Variants in GALNT10 observed in about 807,000 individuals in gnomAD.
GALNT10 encodes GalNAc transferase 10.
In GALNT10, 41 loss-of-function variants were observed where a neutral mutation model predicts 75.0. The ratio of observed to expected loss-of-function variants is 0.55; its 90% CI spans 0.43 to 0.71. The LOEUF (loss-of-function observed/expected upper bound fraction) is 0.71, where lower values mean the gene tolerates loss of function less well. GALNT10 is among the 30% of genes least tolerant of loss of function. GALNT10 has a pLI of 0.00. For synonymous variants in GALNT10, 302 were observed against 313.0 expected, an observed-to-expected ratio of 0.96 and a Z score of 0.37; for missense variants, 727 against 818.5, an observed-to-expected ratio of 0.89 and a Z score of 1.36.
rs146104058 is a variant in GALNT10 at position 154,218,195 on chromosome 5, C to G, written c.159+27170C>G. On this transcript the variant is annotated intron_variant, in intron 1 of 11. Transcript: ENST00000297107. ...CAAGCCTGGGGCACCTCCTCCCTCC[C>G]CACCTCATGGGTCCCTCTCTCATTT... The G allele has an allele frequency of 3.7e-4, 335 of 903,220 alleles. 1 individual carries two copies. In the African/African-American group the frequency reaches 5.5e-3, roughly 15 times the overall value. The allele number at this position is 903,220 out of a possible 1,614,324, so 56.0% of individuals were successfully genotyped here.
chr5:154,387,274 A>T (rs2113186838), intron 7 of GALNT10: 1 of 152,300 alleles, frequency 6.6e-6, no homozygotes, highest in African/African-American at 2.4e-5. Flanking sequence ...TCTCCACTTT[A>T]TTTGTGGGAG....
In GALNT10 at chr5:154,416,663, C is replaced by T. The variant is rs1218395158; in HGVS notation, c.1654-151C>T. 9.5e-6 allele frequency: 6 copies of T among 633,056 alleles called. No individual in the cohort carries two copies. Among genetic ancestry groups the T allele is most frequent in the East Asian group, 2.8e-5 (1 of 36,252 alleles). 39.2% of individuals were successfully genotyped at this position (633,056 alleles called of 1,614,324 possible). A position where few individuals can be genotyped will look rare whatever the true frequency, so the allele number is the denominator to read the frequency against. On this transcript the variant is annotated intron_variant, in intron 11 of 11. Coordinates refer to ENST00000297107, the MANE Select transcript of GALNT10 (RefSeq NM_198321.4). This position sits in a 1 kb window ranked among gnomAD's most constrained non-coding sequence, Gnocchi z 4.5. Reference sequence around the variant, plus strand: ...GCTGCAAGGGAGGCTGGGCAGCATCCGGCTTGTGAGCTCAGGAGGAAAACC... The same window carrying T: ...GCTGCAAGGGAGGCTGGGCAGCATCTGGCTTGTGAGCTCAGGAGGAAAACC...
At chr5:154,234,611 G>C (rs190615739) in intron 1 of GALNT10, among the ~76,000 whole-genome samples, 1 of 152,338 alleles carries the variant, frequency 6.6e-6, no homozygotes, top group East Asian at 1.9e-4. Context: ...GTACCATGAG[G>C]TCAAGTAACT....
chr5:154,406,873 T>G (rs1756293000), intron 8 of GALNT10, among the ~76,000 whole-genome samples: 1 of 152,146 alleles, frequency 6.6e-6, no homozygotes, highest in African/African-American at 2.4e-5. Flanking sequence ...GATGATCATT[T>G]TGATAGATTT....
At chr5:154,330,959 A>C (rs1754853981) in intron 4 of GALNT10, among the ~76,000 whole-genome samples, 1 of 125,480 alleles carries the variant, frequency 8.0e-6, no homozygotes, top group Non-Finnish European at 1.7e-5. Context: ...GTAGACATTT[A>C]ACTCAGTTCT....
intron 4 of GALNT10, among the ~76,000 whole-genome samples, chr5:154,330,539 T>C (rs1754840315): frequency 6.6e-6 from 1 of 152,180 alleles, no homozygotes; most frequent in Non-Finnish European, 1.5e-5. Context: ...CCCAAGCATG[T>C]GATCTTAGCT....
intron 6 of GALNT10, among the ~76,000 whole-genome samples, chr5:154,385,533 C>A (rs1755796118): frequency 6.6e-6 from 1 of 152,154 alleles, no homozygotes; most frequent in African/African-American, 2.4e-5. Context: ...CAGACACACT[C>A]CTTTCAGATT....
Position 154,275,611 on chromosome 5 carries a change from G to A in GALNT10, c.160-19205G>A, listed in dbSNP as rs137877878. The stretch of plus-strand genomic sequence containing the variant: ...ACACTTTATCTCTGCTGCACACAGC[G>A]CCTGCCAGGTGGGTCAGCAGGGGCC... On this transcript the variant is annotated intron_variant, in intron 1 of 11. Transcript: ENST00000297107. Among the ~76,000 whole-genome samples, 1,413 of 152,268 alleles carry A rather than the reference G, an allele frequency of 9.3e-3. 69 individuals are homozygous for A. Among genetic ancestry groups the A allele is most frequent in the Admixed American group, 0.082 (1,256 of 15,296 alleles).
chr5:154,402,122 G>A lies in GALNT10; in HGVS notation c.1057-1982G>A, dbSNP rs1482540221. ...ACTGGCAGAGTCATCTTTGTAAGAT[G>A]TAAGTGGATTGTGTGTCTCCCTCAC... is the stretch of plus-strand genomic sequence containing the variant. On this transcript the variant is annotated intron_variant, in intron 7 of 11. Coordinates refer to ENST00000297107, the MANE Select transcript of GALNT10 (RefSeq NM_198321.4). The surrounding 1 kb of genome is among the most constrained non-coding windows in gnomAD (Gnocchi z 4.2). 2.0e-5 allele frequency among the ~76,000 whole-genome samples: 3 copies of A among 152,208 alleles called. No homozygotes were observed. Among genetic ancestry groups the A allele is most frequent in the Non-Finnish European group, 4.4e-5 (3 of 68,040 alleles).
intron 4 of GALNT10, among the ~76,000 whole-genome samples, chr5:154,365,487 ACT>A (rs1184148758): frequency 6.6e-6 from 1 of 152,216 alleles, no homozygotes; most frequent in Non-Finnish European, 1.5e-5. Flanking sequence ...AAAGAGACTG[ACT>A]TAGACTTGAA....
intron 4 of GALNT10, among the ~76,000 whole-genome samples, chr5:154,341,670 G>C (rs1206173251): frequency 6.6e-6 from 1 of 152,178 alleles, no homozygotes; most frequent in Non-Finnish European, 1.5e-5. Flanking sequence ...GGAAAGACTA[G>C]CCCTGACCCT....
intron 1 of GALNT10, among the ~76,000 whole-genome samples, chr5:154,280,240 G>A (rs1754019589): frequency 6.6e-6 from 1 of 152,150 alleles, no homozygotes; most frequent in South Asian, 2.1e-4. Flanking sequence ...TAGAATAGTG[G>A]TTACTAGAGA....
rs374953800 is a variant in GALNT10, at chr5:154,380,647, C to T, written c.938+16C>T. The T allele has an allele frequency of 1.9e-6, 3 of 1,583,328 alleles. No homozygotes were observed. The highest frequency in any genetic ancestry group is 2.6e-6 in the Non-Finnish European group (3 of 1,157,254). On this transcript the variant is annotated intron_variant, in intron 6 of 11. Coordinates refer to ENST00000297107, the MANE Select transcript of GALNT10 (RefSeq NM_198321.4). ...ACCCATTTGAGTAAGTATGAACAAC[C>T]CTGGCTGGTCCCAGTGGCTACCCAG...
chr5:154,302,222 C>A (rs1754373459), intron 3 of GALNT10, among the ~76,000 whole-genome samples: 2 of 152,352 alleles, frequency 1.3e-5, no homozygotes, highest in South Asian at 2.1e-4. Context: ...ATTTTGGCAA[C>A]AGCATGTCAA....
chr5:154,357,807 TG>T (rs886532767), intron 4 of GALNT10, among the ~76,000 whole-genome samples: 1 of 152,038 alleles, frequency 6.6e-6, no homozygotes, highest in Non-Finnish European at 1.5e-5. Context: ...CCCTCCAACC[TG>T]GGGGCCCGTT....
intron 4 of GALNT10, among the ~76,000 whole-genome samples, chr5:154,333,620 T>C (rs1754899722): frequency 6.6e-6 from 1 of 151,990 alleles, no homozygotes; most frequent in Non-Finnish European, 1.5e-5. Context: ...CATAACAAGA[T>C]CATTCTCTAA....
At chr5:154,194,523 C>A (rs962091554) in intron 1 of GALNT10, among the ~76,000 whole-genome samples, 6 of 152,158 alleles carry the variant, frequency 3.9e-5, no homozygotes, top group Admixed American at 3.3e-4. Flanking sequence ...TTCTTTCTGT[C>A]ATTCTTGGCT....
At chr5:154,398,247 C>A (rs1421430724) in intron 7 of GALNT10, among the ~76,000 whole-genome samples, 1 of 152,212 alleles carries the variant, frequency 6.6e-6, no homozygotes. Context: ...CAGCTGCATC[C>A]CCCTACAGGG....
At position 154,412,652 on chromosome 5, in the gene GALNT10, C is replaced by G. The variant is rs1756422125; in HGVS notation, c.1387-237C>G. 2 of 446,652 alleles carry G rather than the reference C, an allele frequency of 4.5e-6. No individual in the cohort carries two copies. The highest frequency in any genetic ancestry group is 4.1e-6 in the Non-Finnish European group (1 of 241,214). The allele number at this position is 446,652 out of a possible 1,614,324, so 27.7% of individuals were successfully genotyped here. ...ACTCCCCCACCACCAACCCAGGACT[C>G]TGCATACTCTACAATACTACTTACA... On this transcript the variant is annotated intron_variant, in intron 9 of 11. Coordinates refer to ENST00000297107, the MANE Select transcript of GALNT10 (RefSeq NM_198321.4). This position sits in a 1 kb window ranked among gnomAD's most constrained non-coding sequence, Gnocchi z 4.2.
Sources: gnomAD v4.1 joint callset for allele counts (sites outside exome capture counted in the v4.1 genomes callset) on GRCh38, gnomAD v4.1.1 for gene constraint, Gnocchi (gnomAD v3.1) non-coding constraint, MANE v1.5 for transcripts, NCBI Gene and HGNC (gene_info 2026-07-23, HGNC 2026-07-21) for gene names.